The following KIAA0586 variants were observed in gnomAD, a reference collection of about 807,000 sequenced individuals.
The protein encoded by KIAA0586 is protein TALPID3.
In KIAA0586, 144 loss-of-function variants were observed where a neutral mutation model predicts 169.8. The ratio of observed to expected loss-of-function variants is 0.85; its 90% CI spans 0.74 to 0.97. The LOEUF is 0.97. KIAA0586 is among the 50% of genes least tolerant of loss of function. The pLI is 0.00. For missense variants in KIAA0586, 1,854 were observed against 1,823.0 expected (o/e 1.02, Z -0.31); for synonymous variants, 625 against 612.4 (o/e 1.02, Z -0.30).
intron 30 of KIAA0586, 97 bp from the exon 31 acceptor site, chr14:58,547,684 G>GGC: frequency 9.5e-6 from 9 of 946,964 alleles, no homozygotes; most frequent in Non-Finnish European, 1.4e-5. Flanking sequence ...TGGAATCCGC[G>GGC]CCCCCCCACC....
At chr14:58,516,792 A>T (rs2044791590) in intron 29 of KIAA0586, among the ~76,000 whole-genome samples, 1 of 152,222 alleles carries the variant, frequency 6.6e-6, no homozygotes, top group Admixed American at 6.5e-5. Flanking sequence ...TATTGGCATA[A>T]ATATCAATGG....
At chr14:58,441,035 A>G (rs188825282) in intron 4 of KIAA0586, 25 of 190,398 alleles carry the variant, frequency 1.3e-4, no homozygotes, top group African/African-American at 5.6e-4. Flanking sequence ...AGTGATGGGT[A>G]TGCTAATAGC....
chr14:58,503,079 G>C (rs1228172945), intron 27 of KIAA0586, among the ~76,000 whole-genome samples: 1 of 152,090 alleles, frequency 6.6e-6, no homozygotes, highest in Non-Finnish European at 1.5e-5. Flanking sequence ...GAGTTGTCTT[G>C]GGAAACCTAA....
intron 4 of KIAA0586, among the ~76,000 whole-genome samples, chr14:58,437,444 C>T (rs894294128): frequency 6.6e-6 from 1 of 152,074 alleles, no homozygotes; most frequent in African/African-American, 2.4e-5. Flanking sequence ...CAGACAGTGG[C>T]TCATGCCTAT....
Position 58,465,874 on chromosome 14 carries a change from A to G in KIAA0586, c.2099A>G (p.Tyr700Cys). The G allele has an allele frequency of 2.5e-6, 4 of 1,612,240 alleles. No homozygotes were observed. The highest frequency in any genetic ancestry group is 3.4e-6 in the Non-Finnish European group (4 of 1,178,922). The change falls in exon 15 of 31, where the codon TAT becomes TGT. Residue 700 changes from tyrosine to cysteine, a missense_variant. Transcript: ENST00000652326. ...VKSIRTQTDFYATKPKKMDSK... is the reference protein window; with the variant it reads ...VKSIRTQTDFCATKPKKMDSK... ...TCAATAAGAACACAGACTGACTTCT[A>G]TGCAACAAAACCTAAGAAGATGGAT...
At chr14:58,455,441 G>A (rs1174614772) in intron 9 of KIAA0586, among the ~76,000 whole-genome samples, 1 of 152,092 alleles carries the variant, frequency 6.6e-6, no homozygotes, top group East Asian at 1.9e-4. Context: ...AATACAGTGT[G>A]GCAACTCTGG....
intron 7 of KIAA0586, 66 bp downstream of exon 7, chr14:58,448,559 C>A: frequency 8.5e-7 from 1 of 1,182,786 alleles, no homozygotes; most frequent in South Asian, 1.7e-5. Flanking sequence ...GCTACATAAG[C>A]TGAAAACATA....
chr14:58,447,241 A>G (rs1244389349), intron 6 of KIAA0586, among the ~76,000 whole-genome samples: 1 of 152,104 alleles, frequency 6.6e-6, no homozygotes, highest in Non-Finnish European at 1.5e-5. Context: ...AAATTCTGTA[A>G]AACTATAAAT....
chr14:58,521,350 T>C (rs1241149876), intron 29 of KIAA0586: 4 of 1,007,546 alleles, frequency 4.0e-6, no homozygotes, highest in East Asian at 3.0e-5. Context: ...TATTGCAAAA[T>C]TGTGGGCTGC....
In KIAA0586 at chr14:58,428,336, A is replaced by G; in HGVS notation, c.72A>G (p.Val24=). The G allele has an allele frequency of 1.2e-6, 2 of 1,613,960 alleles. No individual in the cohort carries two copies. The highest frequency in any genetic ancestry group is 1.1e-5 in the South Asian group (1 of 91,082). ...IKMPVKRLRE[V]VSQNHGDHLV... ...TGCCAGTGAAGAGACTTCGTGAGGTAGTTTCTCAAAATCATGGAGATCATT... is the reference window on the plus strand; with the variant it reads ...TGCCAGTGAAGAGACTTCGTGAGGTGGTTTCTCAAAATCATGGAGATCATT... Residue 24 remains valine (V), a synonymous_variant, in exon 1 of 31, where the codon GTA becomes GTG. Coordinates refer to ENST00000652326, the MANE Select transcript of KIAA0586 (RefSeq NM_001329943.3).
chr14:58,537,854 A>G (rs1444676573), intron 29 of KIAA0586, among the ~76,000 whole-genome samples: 2 of 152,090 alleles, frequency 1.3e-5, no homozygotes, highest in Admixed American at 6.5e-5. Flanking sequence ...TCACCGTGTT[A>G]GCCAGGATGG....
intron 14 of KIAA0586, 123 bp downstream of exon 14, chr14:58,461,283 G>A (rs1316653115): frequency 6.8e-6 from 4 of 589,640 alleles, no homozygotes; most frequent in Non-Finnish European, 1.1e-5. Context: ...GATGCTTGGG[G>A]ATGGAAAAAT....
intron 26 of KIAA0586, among the ~76,000 whole-genome samples, chr14:58,492,827 A>G (rs569574729): frequency 1.4e-4 from 22 of 152,378 alleles, no homozygotes; most frequent in African/African-American, 5.3e-4. Flanking sequence ...TTTCAGAAGC[A>G]GAAATACCAT....
At chr14:58,465,382 T>A (rs1174053528) in intron 14 of KIAA0586, among the ~76,000 whole-genome samples, 3 of 152,244 alleles carry the variant, frequency 2.0e-5, no homozygotes, top group African/African-American at 7.2e-5. Context: ...GAAAAAAATT[T>A]AAAGAATTCA....
rs2140164913 is a variant in KIAA0586, at chr14:58,549,636, C to T, written c.*1704C>T. ...GGACAGTTCTGCTTATAACAGTTTC[C>T]TTTAAACAAGTGGAAGAAAAATTCT... On this transcript the variant is annotated 3_prime_UTR_variant, in exon 31 of 31. Transcript: ENST00000652326. 6.6e-6 allele frequency: 1 copy of T among 152,268 alleles called. No individual in the cohort carries two copies. The highest frequency in any genetic ancestry group is 3.4e-3 in the Middle Eastern group (1 of 294). 9.4% of individuals were successfully genotyped at this position (152,268 alleles called of 1,614,324 possible).
At position 58,497,155 on chromosome 14, in the gene KIAA0586, T is replaced by C. The variant is rs1343943383; in HGVS notation, c.3991-1628T>C. Among the ~76,000 whole-genome samples, 7 of 151,884 alleles carry C rather than the reference T, an allele frequency of 4.6e-5. No homozygotes were observed. The East Asian group carries it at 1.4e-3, about 29-fold the overall frequency. ...ATGCCCGCTAATTTTGTATTTTTAG[T>C]AGAGATGGGTTTTTGCCATGTTGAT... On this transcript the variant is annotated intron_variant, in intron 26 of 30. Transcript: ENST00000652326.
chr14:58,486,672 A>G (rs2042467807), intron 21 of KIAA0586, among the ~76,000 whole-genome samples: 1 of 152,228 alleles, frequency 6.6e-6, no homozygotes. Context: ...TTAAAAACAA[A>G]CAACTACAAA....
At chr14:58,555,673 A>G (rs1011654918), downstream of KIAA0586, among the ~76,000 whole-genome samples, 1 of 152,100 alleles carries the variant, frequency 6.6e-6, no homozygotes, top group Non-Finnish European at 1.5e-5. Context: ...TTCATGATGC[A>G]AAAAATCATG....
chr14:58,518,770 C>T (rs2044960828), intron 29 of KIAA0586, among the ~76,000 whole-genome samples: 2 of 152,140 alleles, frequency 1.3e-5, no homozygotes, highest in African/African-American at 4.8e-5. Context: ...CGATTGAAAA[C>T]GTCTTATTCA....
Sources: allele counts gnomAD v4.1 joint callset (sites outside exome capture counted in the v4.1 genomes callset), GRCh38; gene constraint gnomAD v4.1.1; transcripts MANE v1.5; gene names NCBI Gene and HGNC (gene_info 2026-07-23, HGNC 2026-07-21).